The following SPMIP7 variants were observed in gnomAD, a reference collection of about 807,000 sequenced individuals.
SPMIP7 encodes protein SPMIP7.
At chr7:50,126,201 A>C in the SPMIP7 span, among the ~76,000 whole-genome samples, 2 of 148,250 alleles carry the variant, frequency 1.3e-5, no homozygotes, top group African/African-American at 5.0e-5. Context: ...ATCGAGAAAA[A>C]GAGAATACAC....
the SPMIP7 span, among the ~76,000 whole-genome samples, chr7:50,147,831 G>A: frequency 3.9e-5 from 6 of 152,108 alleles, no homozygotes; most frequent in Non-Finnish European, 5.9e-5. Flanking sequence ...TGGAACTAGG[G>A]AGTACAAAAT....
the SPMIP7 span, among the ~76,000 whole-genome samples, chr7:50,127,465 C>A: frequency 6.6e-6 from 1 of 151,582 alleles, no homozygotes; most frequent in East Asian, 1.9e-4. Flanking sequence ...AGACTACTCA[C>A]AGAATGGGGA....
At chr7:50,102,369 T>C in the SPMIP7 span, among the ~76,000 whole-genome samples, 2 of 152,150 alleles carry the variant, frequency 1.3e-5, no homozygotes, top group Admixed American at 1.3e-4. Context: ...TTGATTCTTA[T>C]CTAGAGGGTC....
At chr7:50,144,397 GTGTA>G in the SPMIP7 span, among the ~76,000 whole-genome samples, 3 of 152,152 alleles carry the variant, frequency 2.0e-5, no homozygotes, top group South Asian at 4.1e-4. Context: ...GATAGGTGGA[GTGTA>G]TGTGTGTATG....
chr7:50,123,186 G>A, the SPMIP7 span, among the ~76,000 whole-genome samples: 1 of 122,670 alleles, frequency 8.2e-6, no homozygotes, highest in Non-Finnish European at 1.7e-5. Flanking sequence ...AACAATGATA[G>A]ACTGGATTAA....
chr7:50,136,605 T>C, the SPMIP7 span, among the ~76,000 whole-genome samples: 1 of 152,158 alleles, frequency 6.6e-6, no homozygotes, highest in Non-Finnish European at 1.5e-5. Context: ...AATTACAATA[T>C]TGCTAAAATC....
At chr7:50,112,158 G>A in the SPMIP7 span, among the ~76,000 whole-genome samples, 13 of 152,152 alleles carry the variant, frequency 8.5e-5, no homozygotes, top group East Asian at 5.8e-4. Flanking sequence ...AACAAAGGAC[G>A]TTGAATAAAA....
the SPMIP7 span, among the ~76,000 whole-genome samples, chr7:50,121,119 G>A: frequency 2.0e-5 from 3 of 152,098 alleles, no homozygotes; most frequent in East Asian, 5.8e-4. Context: ...AAAACACGAG[G>A]AAAGCATAAT....
chr7:50,141,639 A>G, the SPMIP7 span: 1 of 382,360 alleles, frequency 2.6e-6, no homozygotes, highest in African/African-American at 2.0e-5. Context: ...GTGAGAAAAA[A>G]AATGCCACCA....
the SPMIP7 span, among the ~76,000 whole-genome samples, chr7:50,127,617 C>CTATATATATATATATATATA: frequency 9.1e-5 from 13 of 142,434 alleles, no homozygotes; most frequent in East Asian, 1.3e-3. Context: ...ATATCTTTTT[C>CTATATATATATATATATATA]TATATATATA....
the SPMIP7 span, among the ~76,000 whole-genome samples, chr7:50,098,781 C>T: frequency 4.5e-3 from 688 of 152,226 alleles, 17 homozygotes; most frequent in South Asian, 0.068. Flanking sequence ...AATTACCTCC[C>T]GAAGTCTTCA....
chr7:50,156,035 C>T, the SPMIP7 span, among the ~76,000 whole-genome samples: 35 of 152,158 alleles, frequency 2.3e-4, no homozygotes, highest in Non-Finnish European at 4.4e-4. Flanking sequence ...TCTGCCTTCT[C>T]CCCTAACAGC....
the SPMIP7 span, among the ~76,000 whole-genome samples, chr7:50,124,159 T>G: frequency 6.6e-6 from 1 of 152,130 alleles, no homozygotes. Context: ...CATGTCTTAG[T>G]TACAAAACAG....
the SPMIP7 span, among the ~76,000 whole-genome samples, chr7:50,101,465 T>C: frequency 6.6e-6 from 1 of 152,192 alleles, no homozygotes; most frequent in African/African-American, 2.4e-5. Context: ...AACTATCTTC[T>C]GAATCCTGGG....
At chr7:50,123,835 G>C in the SPMIP7 span, among the ~76,000 whole-genome samples, 2 of 151,842 alleles carry the variant, frequency 1.3e-5, no homozygotes, top group East Asian at 3.8e-4. Context: ...AGAAACGTAG[G>C]GTTTTCCAGA....
the SPMIP7 span, among the ~76,000 whole-genome samples, chr7:50,111,031 T>C: frequency 6.9e-6 from 1 of 144,456 alleles, no homozygotes. Flanking sequence ...AAATGTATAT[T>C]ATATATTTAT....
the SPMIP7 span, chr7:50,141,280 G>C: frequency 6.5e-7 from 1 of 1,537,902 alleles, no homozygotes; most frequent in East Asian, 2.4e-5. Flanking sequence ...CATTCTAACA[G>C]TGGTCATGTG....
the SPMIP7 span, chr7:50,117,146 A>G: frequency 3.9e-5 from 16 of 414,050 alleles, no homozygotes; most frequent in South Asian, 2.8e-4. Flanking sequence ...TTTTCTGCAA[A>G]TGAAAATAGC....
At chr7:50,104,448 G>A in the SPMIP7 span, 11 of 913,650 alleles carry the variant, frequency 1.2e-5, no homozygotes, top group South Asian at 2.2e-4. Context: ...TATATAATTA[G>A]TTTATTTCAT....
Sources: allele counts gnomAD v4.1 joint callset (sites outside exome capture counted in the v4.1 genomes callset), GRCh38; gene constraint gnomAD v4.1.1; transcripts MANE v1.5; gene names NCBI Gene and HGNC (gene_info 2026-07-23, HGNC 2026-07-21).